PARD6G: variants seen among roughly 807,000 people sequenced by gnomAD.
The protein encoded by PARD6G is par-6 family cell polarity regulator gamma, also known as partitioning defective 6 homolog gamma.
Under a neutral mutation model 10.7 loss-of-function variants are expected in PARD6G, and 7 were observed. The ratio of observed to expected loss-of-function variants is 0.66; its 90% CI spans 0.37 to 1.23. The LOEUF is 1.23. Ranked by LOEUF, PARD6G falls within the 50% of genes most tolerant of loss-of-function variation. The pLI, the probability that PARD6G is intolerant of heterozygous loss-of-function variation, is 0.02. For synonymous variants in PARD6G, 287 were observed against 269.4 expected (o/e 1.07, Z -0.64); for missense variants, 548 against 571.8 (o/e 0.96, Z 0.42).
chr18:80,217,487 C>G (rs117698130), intron 1 of PARD6G, among the ~76,000 whole-genome samples: 1,905 of 152,202 alleles, frequency 0.013, 20 homozygotes, highest in Non-Finnish European at 0.022. Context: ...GCCAGGTAAC[C>G]AAGATCAACA....
At chr18:80,240,141 C>T (rs1284873908) in intron 1 of PARD6G, among the ~76,000 whole-genome samples, 8 of 152,230 alleles carry the variant, frequency 5.3e-5, no homozygotes, top group Non-Finnish European at 8.8e-5. Flanking sequence ...CAAACACTTC[C>T]GTTTAGGCTG....
intron 1 of PARD6G, among the ~76,000 whole-genome samples, chr18:80,212,161 G>C (rs1316403041): frequency 6.6e-6 from 1 of 152,112 alleles, no homozygotes; most frequent in Non-Finnish European, 1.5e-5. Flanking sequence ...ACGTCCCAAA[G>C]ATGTGCACAT....
At chr18:80,242,126 C>A (rs1248728233) in intron 1 of PARD6G, among the ~76,000 whole-genome samples, 1 of 152,184 alleles carries the variant, frequency 6.6e-6, no homozygotes, top group African/African-American at 2.4e-5. Context: ...TTGGCAGCCT[C>A]CAGGGGCAGT....
At chr18:80,224,945 G>T (rs530296847) in intron 1 of PARD6G, among the ~76,000 whole-genome samples, 3 of 152,246 alleles carry the variant, frequency 2.0e-5, no homozygotes, top group East Asian at 3.9e-4. Flanking sequence ...TTCCAGGCTG[G>T]AACTAAGACC....
chr18:80,204,722 GC>G (rs1967039715), intron 1 of PARD6G, among the ~76,000 whole-genome samples: 1 of 152,122 alleles, frequency 6.6e-6, no homozygotes, highest in Admixed American at 6.5e-5. Context: ...GCCAAGGCGG[GC>G]AGATTACTTG....
chr18:80,200,359 G>C lies in PARD6G; in HGVS notation c.295+2351C>G, dbSNP rs576660743. On this transcript the variant is annotated intron_variant, in intron 2 of 2. Coordinates refer to ENST00000353265, the MANE Select transcript of PARD6G (RefSeq NM_032510.4). This position sits in a 1 kb window ranked among gnomAD's most constrained non-coding sequence, Gnocchi z 4.4. ...TACAGTCAAATCCACTGAGGACAGC[G>C]AGAGGCAGCTCTGATTTTCCCAAAG... Among the ~76,000 whole-genome samples, 1 of 152,312 alleles carries C rather than the reference G, an allele frequency of 6.6e-6. No homozygotes were observed. Among genetic ancestry groups the C allele is most frequent in the South Asian group, 2.1e-4 (1 of 4,824 alleles).
intron 2 of PARD6G, among the ~76,000 whole-genome samples, chr18:80,164,774 G>A (rs1003114345): frequency 6.6e-5 from 10 of 152,220 alleles, no homozygotes; most frequent in African/African-American, 2.2e-4. Flanking sequence ...CGGTAGGTCC[G>A]TGATGCCCAC....
At chr18:80,198,384 G>A (rs548656384) in intron 2 of PARD6G, among the ~76,000 whole-genome samples, 4 of 152,336 alleles carry the variant, frequency 2.6e-5, no homozygotes, top group East Asian at 3.9e-4. Context: ...AAACAAATGT[G>A]TGACAGATTA....
chr18:80,174,696 T>G (rs35369556), intron 2 of PARD6G, among the ~76,000 whole-genome samples: 28,086 of 152,022 alleles, frequency 0.18, 2,763 homozygotes, highest in Middle Eastern at 0.28. Context: ...GGCTCACGCC[T>G]GTAATCCCAG....
At position 80,167,238 on chromosome 18, in the gene PARD6G, G is replaced by A. The variant is rs535464612; in HGVS notation, c.296-6632C>T. On this transcript the variant is annotated intron_variant, in intron 2 of 2. Coordinates refer to ENST00000353265, the MANE Select transcript of PARD6G (RefSeq NM_032510.4). The stretch of plus-strand genomic sequence containing the variant: ...AGTGTTGTGTGTGGACCTGTGTGCC[G>A]GATAACACATGGGCAGTGTTGCGTG... 2.0e-4 allele frequency among the ~76,000 whole-genome samples: 31 copies of A among 151,888 alleles called. 1 individual carries two copies. Among genetic ancestry groups the A allele is most frequent in the Middle Eastern group, 3.4e-3 (1 of 290 alleles).
intron 1 of PARD6G, among the ~76,000 whole-genome samples, chr18:80,244,503 A>G (rs544485634): frequency 5.9e-5 from 9 of 152,288 alleles, no homozygotes; most frequent in African/African-American, 2.2e-4. Flanking sequence ...AAAAATTCTG[A>G]GAGAACCTAA....
At chr18:80,205,654 T>C (rs1484877023) in intron 1 of PARD6G, among the ~76,000 whole-genome samples, 1 of 152,232 alleles carries the variant, frequency 6.6e-6, no homozygotes, top group African/African-American at 2.4e-5. Flanking sequence ...TACTCCCATC[T>C]TGCCTTCTGC....
rs1382665988 is a variant in PARD6G at position 80,158,429 on chromosome 18, G to GTCA, written c.*1339_*1341dup. 1 of 152,228 alleles carries GTCA rather than the reference G, an allele frequency of 6.6e-6. No homozygotes were observed. Among genetic ancestry groups the GTCA allele is most frequent in the Non-Finnish European group, 1.5e-5 (1 of 68,054 alleles). 9.4% of individuals were successfully genotyped at this position (152,228 alleles called of 1,614,324 possible). ...GAGTCAGTCAACCCACAGGAAAAGGGTCATCTTAGAGGCAATAGAGGCTTA... is the reference window on the plus strand; with the variant it reads ...GAGTCAGTCAACCCACAGGAAAAGGGTCATCATCTTAGAGGCAATAGAGGCTTA... On this transcript the variant is annotated 3_prime_UTR_variant, in exon 3 of 3. Coordinates refer to ENST00000353265, the MANE Select transcript of PARD6G (RefSeq NM_032510.4).
intron 1 of PARD6G, among the ~76,000 whole-genome samples, chr18:80,205,656 G>A (rs2094117055): frequency 6.6e-6 from 1 of 152,158 alleles, no homozygotes; most frequent in African/African-American, 2.4e-5. Context: ...CTCCCATCTT[G>A]CCTTCTGCCA....
Position 80,183,748 on chromosome 18 carries a change from A to G in PARD6G, c.295+18962T>C, listed in dbSNP as rs921401289. ...ATCAAAACCAGCCCTAACAATTTTT[A>G]TACAACTTTTAAATAAAAACAGTGG... On this transcript the variant is annotated intron_variant, in intron 2 of 2. Coordinates refer to ENST00000353265, the MANE Select transcript of PARD6G (RefSeq NM_032510.4). The surrounding 1 kb of genome is among the most constrained non-coding windows in gnomAD (Gnocchi z 4.5). 1 of 152,394 alleles carries G rather than the reference A, an allele frequency of 6.6e-6. No homozygotes were observed. Among genetic ancestry groups the G allele is most frequent in the South Asian group, 2.1e-4 (1 of 4,826 alleles). 9.4% of individuals were successfully genotyped at this position (152,394 alleles called of 1,614,324 possible).
chr18:80,194,961 C>T (rs146255695), intron 2 of PARD6G, among the ~76,000 whole-genome samples: 2,225 of 152,190 alleles, frequency 0.015, 30 homozygotes, highest in Non-Finnish European at 0.022. Context: ...GCCACTGTTG[C>T]GTCTCACTGT....
intron 2 of PARD6G, among the ~76,000 whole-genome samples, chr18:80,174,551 A>T (rs976267686): frequency 6.6e-6 from 1 of 152,202 alleles, no homozygotes; most frequent in Non-Finnish European, 1.5e-5. Context: ...TGCAGCCCAC[A>T]TTTAGTTCAC....
At chr18:80,243,484 T>C (rs1022983672) in intron 1 of PARD6G, among the ~76,000 whole-genome samples, 8 of 152,164 alleles carry the variant, frequency 5.3e-5, no homozygotes, top group African/African-American at 1.9e-4. Context: ...TGGCCCTTCT[T>C]TGTGCTTGGC....
intron 1 of PARD6G, among the ~76,000 whole-genome samples, chr18:80,218,575 T>C (rs1967195513): frequency 2.0e-5 from 3 of 152,280 alleles, no homozygotes; most frequent in South Asian, 4.1e-4. Context: ...TGGGCTGGTA[T>C]TGAGTGTCTG....
Sources: gnomAD v4.1 joint callset for allele counts (sites outside exome capture counted in the v4.1 genomes callset) on GRCh38, gnomAD v4.1.1 for gene constraint, Gnocchi (gnomAD v3.1) non-coding constraint, MANE v1.5 for transcripts, NCBI Gene and HGNC (gene_info 2026-07-23, HGNC 2026-07-21) for gene names.